Variants in MCTP1 observed in about 807,000 individuals in gnomAD.
MCTP1 encodes multiple C2 and transmembrane domain containing 1.
A neutral mutation model predicts 120.6 loss-of-function variants in MCTP1; 69 were observed. That is an observed-to-expected ratio of 0.57 (90% CI 0.47 to 0.70). The LOEUF (loss-of-function observed/expected upper bound fraction) is 0.70. MCTP1 is among the 30% of genes least tolerant of loss of function. MCTP1 has a pLI of 0.00. For missense variants in MCTP1, 1,203 were observed against 1,248.8 expected (o/e 0.96, Z 0.55); for synonymous variants, 529 against 493.1 (o/e 1.07, Z -0.96).
Position 94,962,428 on chromosome 5 carries a change from T to A in MCTP1, c.839-9067A>T, listed in dbSNP as rs151156375. 7.7e-3 allele frequency among the ~76,000 whole-genome samples: 1,157 copies of A among 150,236 alleles called. 24 individuals carry two copies. The highest frequency in any genetic ancestry group is 0.027 in the African/African-American group (1,117 of 41,108). ...ATCAATCAACAAGTGGATAAAGAAA[T>A]TGATATATATATATCATATATTGTA... On this transcript the variant is annotated intron_variant, in intron 2 of 22. Coordinates refer to ENST00000515393, the MANE Select transcript of MCTP1 (RefSeq NM_024717.7).
At position 94,939,627 on chromosome 5, in the gene MCTP1, T is replaced by C. The variant is rs1817077041; in HGVS notation, c.1173+457A>G. On this transcript the variant is annotated intron_variant, in intron 5 of 22. Transcript: ENST00000515393. ...AGCCCATCAAGAAGATGAAAAGTAT[T>C]CACTTATCATTCACTAAACAAATAC... Among the ~76,000 whole-genome samples, 4 of 151,948 alleles carry C rather than the reference T, an allele frequency of 2.6e-5. No homozygotes were observed. In the South Asian group the frequency reaches 8.3e-4, roughly 32 times the overall value.
At chr5:95,246,900 C>A (rs904672526) in intron 1 of MCTP1, among the ~76,000 whole-genome samples, 1 of 152,104 alleles carries the variant, frequency 6.6e-6, no homozygotes, top group African/African-American at 2.4e-5. Context: ...GTGATGACAG[C>A]CTCATAAAAT....
intron 2 of MCTP1, among the ~76,000 whole-genome samples, chr5:94,968,679 A>G (rs6892739): frequency 0.34 from 51,737 of 152,000 alleles, 9,090 homozygotes; most frequent in Middle Eastern, 0.42. Flanking sequence ...AATATTGCAT[A>G]AAACCACAAG....
intron 17 of MCTP1, among the ~76,000 whole-genome samples, chr5:94,817,387 G>A (rs1176389145): frequency 6.6e-6 from 1 of 151,366 alleles, no homozygotes; most frequent in African/African-American, 2.4e-5. Context: ...CAACCTGGGC[G>A]ACAGTGAGAC....
At position 94,923,502 on chromosome 5, in the gene MCTP1, T is replaced by A. The variant is rs1581381461; in HGVS notation, c.1272+460A>T. On this transcript the variant is annotated intron_variant, in intron 7 of 22. Coordinates refer to ENST00000515393, the MANE Select transcript of MCTP1 (RefSeq NM_024717.7). Reference sequence around the variant, plus strand: ...TTGCTGTTTTCTAAATTATAGGATTTCTTTTCAAAGAAAGAGCACTGATCA... The same window carrying A: ...TTGCTGTTTTCTAAATTATAGGATTACTTTTCAAAGAAAGAGCACTGATCA... Among the ~76,000 whole-genome samples the A allele has an allele frequency of 4.6e-5, 7 of 152,328 alleles. No homozygotes were observed. In the East Asian group the frequency reaches 1.3e-3, roughly 29 times the overall value.
At chr5:94,913,180 G>A (rs75195098) in intron 8 of MCTP1, among the ~76,000 whole-genome samples, 2,092 of 152,038 alleles carry the variant, frequency 0.014, 32 homozygotes, top group Non-Finnish European at 0.018. Context: ...AATTCGTTGT[G>A]TAAAAGAGTT....
At chr5:95,103,884 G>C (rs191787969) in intron 1 of MCTP1, among the ~76,000 whole-genome samples, 111 of 152,250 alleles carry the variant, frequency 7.3e-4, no homozygotes, top group Middle Eastern at 6.8e-3. Flanking sequence ...GGGAGACGGG[G>C]AGAAGCAGGA....
intron 1 of MCTP1, among the ~76,000 whole-genome samples, chr5:95,021,731 C>A (rs1305789173): frequency 6.6e-6 from 1 of 151,766 alleles, no homozygotes; most frequent in Admixed American, 6.6e-5. Flanking sequence ...GTATATAATG[C>A]CTTTTTGACT....
At chr5:94,873,999 A>G (rs922182335) in intron 12 of MCTP1, among the ~76,000 whole-genome samples, 3 of 151,856 alleles carry the variant, frequency 2.0e-5, no homozygotes, top group Non-Finnish European at 4.4e-5. Flanking sequence ...AGTCCTTAAT[A>G]TTTTTGTAAT....
intron 1 of MCTP1, among the ~76,000 whole-genome samples, chr5:95,232,187 C>A (rs1755036995): frequency 3.0e-5 from 4 of 134,594 alleles, no homozygotes; most frequent in Admixed American, 7.2e-5. Context: ...ACAGTCATAG[C>A]TAATAAACAA....
chr5:94,927,030 TCAC>T (rs1813309021), intron 6 of MCTP1, among the ~76,000 whole-genome samples: 2 of 152,208 alleles, frequency 1.3e-5, no homozygotes, highest in African/African-American at 2.4e-5. Context: ...AATGCCATTG[TCAC>T]AGCAAATCCC....
intron 1 of MCTP1, among the ~76,000 whole-genome samples, chr5:95,039,052 C>T (rs1159482324): frequency 6.6e-6 from 1 of 151,790 alleles, no homozygotes; most frequent in Non-Finnish European, 1.5e-5. Context: ...GGGTTCTCAC[C>T]CTTAAAAATG....
At chr5:94,739,098 G>A (rs2152741451) in intron 19 of MCTP1, 1 of 152,286 alleles carries the variant, frequency 6.6e-6, no homozygotes, top group Middle Eastern at 3.4e-3. Context: ...GGTATTTATG[G>A]TGAAAATTGT....
chr5:94,733,981 AGAAAAG>A (rs1238142997), intron 19 of MCTP1, among the ~76,000 whole-genome samples: 1 of 151,990 alleles, frequency 6.6e-6, no homozygotes, highest in African/African-American at 2.4e-5. Flanking sequence ...AAAAAAGAAA[AGAAAAG>A]AAAAAGGAAA....
chr5:95,171,916 A>T (rs1431114970), intron 1 of MCTP1, among the ~76,000 whole-genome samples: 1 of 152,158 alleles, frequency 6.6e-6, no homozygotes, highest in African/African-American at 2.4e-5. Flanking sequence ...AACTCGTCAA[A>T]GTCATTCTCC....
At chr5:94,924,222 T>C (rs1248983534) in intron 6 of MCTP1, among the ~76,000 whole-genome samples, 1 of 152,116 alleles carries the variant, frequency 6.6e-6, no homozygotes, top group Non-Finnish European at 1.5e-5. Flanking sequence ...GAGAGGATTA[T>C]TTCTGTAATT....
chr5:94,950,419 C>T (rs1452645669), intron 3 of MCTP1, among the ~76,000 whole-genome samples: 7 of 151,992 alleles, frequency 4.6e-5, no homozygotes, highest in Non-Finnish European at 1.5e-5. Context: ...GGCTTGCTTT[C>T]TTAGTTTCTT....
intron 19 of MCTP1, among the ~76,000 whole-genome samples, chr5:94,732,240 C>T (rs1763256986): frequency 6.6e-6 from 1 of 152,210 alleles, no homozygotes; most frequent in Non-Finnish European, 1.5e-5. Context: ...CTCGTCCAAT[C>T]CATGGCCTGC....
At chr5:94,819,415 G>A (rs1479709895) in intron 17 of MCTP1, among the ~76,000 whole-genome samples, 1 of 152,104 alleles carries the variant, frequency 6.6e-6, no homozygotes, top group East Asian at 1.9e-4. Flanking sequence ...ACAGGCATGA[G>A]CCACCATGCC....
Sources: gnomAD v4.1 joint callset for allele counts (sites outside exome capture counted in the v4.1 genomes callset) on GRCh38, gnomAD v4.1.1 for gene constraint, MANE v1.5 for transcripts, NCBI Gene and HGNC (gene_info 2026-07-23, HGNC 2026-07-21) for gene names.